CREG2: variants seen among roughly 807,000 people sequenced by gnomAD.
CREG2 encodes the protein protein CREG2.
CREG2 carries 24 observed loss-of-function variants against 26.2 expected under a neutral mutation model. The ratio of observed to expected loss-of-function variants is 0.92; its 90% CI spans 0.66 to 1.29. The LOEUF is 1.29. CREG2 is among the 50% of genes most tolerant of loss of function. The pLI is 0.00. For synonymous variants in CREG2, 174 were observed against 169.2 expected (o/e 1.03, Z -0.22); for missense variants, 366 against 398.6 (o/e 0.92, Z 0.70).
rs910032854 is a variant in CREG2 at position 101,350,529 on chromosome 2, G to C, written c.*394C>G. 1.2e-5 allele frequency: 2 copies of C among 160,062 alleles called. No individual in the cohort carries two copies. Among genetic ancestry groups the C allele is most frequent in the East Asian group, 3.6e-4 (2 of 5,510 alleles). 9.9% of individuals were successfully genotyped at this position (160,062 alleles called of 1,614,324 possible). ...CTTAGAACCAAGACTGCATTTGGCAGAGCAAGCAACAAAGATACTCTCACA... is the reference window on the plus strand; with the variant it reads ...CTTAGAACCAAGACTGCATTTGGCACAGCAAGCAACAAAGATACTCTCACA... On this transcript the variant is annotated 3_prime_UTR_variant, in exon 4 of 4. Transcript: ENST00000324768.
rs1684304270 is a variant in CREG2 at position 101,346,184 on chromosome 2, AT to A, written c.*4738del. 6.6e-6 allele frequency: 1 copy of A among 152,132 alleles called. No homozygotes were observed. Among genetic ancestry groups the A allele is most frequent in the Non-Finnish European group, 1.5e-5 (1 of 68,018 alleles). 9.4% of individuals were successfully genotyped at this position (152,132 alleles called of 1,614,324 possible). A position where few individuals can be genotyped will look rare whatever the true frequency, so the allele number is the denominator to read the frequency against. On this transcript the variant is annotated 3_prime_UTR_variant, in exon 4 of 4. Coordinates refer to ENST00000324768, the MANE Select transcript of CREG2 (RefSeq NM_153836.4). ...AAAGCGACTCTCTTATAAACAGCTA[AT>A]ATATACAAGGCATATTGAAATAAGT...
At chr2:101,382,846 C>T (rs1684899269) in intron 2 of CREG2, 1 of 985,506 alleles carries the variant, frequency 1.0e-6, no homozygotes. Context: ...CCAGGCCATC[C>T]TGGGCATTTG....
intron 2 of CREG2, among the ~76,000 whole-genome samples, chr2:101,355,879 T>A (rs1684450568): frequency 6.6e-6 from 1 of 152,104 alleles, no homozygotes; most frequent in South Asian, 2.1e-4. Context: ...AATGCTCTTT[T>A]AGTGGTTGCC....
chr2:101,363,962 G>T (rs961330986), intron 2 of CREG2, among the ~76,000 whole-genome samples: 1 of 152,062 alleles, frequency 6.6e-6, no homozygotes, highest in Admixed American at 6.6e-5. Context: ...ATTGTACAAT[G>T]GTTCTCAACT....
chr2:101,386,610 G>A (rs1372136171), intron 1 of CREG2, among the ~76,000 whole-genome samples: 1 of 152,110 alleles, frequency 6.6e-6, no homozygotes, highest in Non-Finnish European at 1.5e-5. Flanking sequence ...AGAAGGTGAT[G>A]GGGAGTTCAG....
intron 2 of CREG2, among the ~76,000 whole-genome samples, chr2:101,362,941 C>T (rs1684564839): frequency 6.6e-6 from 1 of 152,144 alleles, no homozygotes; most frequent in African/African-American, 2.4e-5. Context: ...CAGGAGCTGT[C>T]CTGGACTGTG....
chr2:101,364,843 G>A (rs185467156), intron 2 of CREG2, among the ~76,000 whole-genome samples: 10 of 152,146 alleles, frequency 6.6e-5, no homozygotes, highest in Non-Finnish European at 1.2e-4. Context: ...CAGGGCAATC[G>A]TAAAGATAGA....
Position 101,362,092 on chromosome 2 carries a change from C to T in CREG2, c.612-6726G>A, listed in dbSNP as rs542129076. Among the ~76,000 whole-genome samples, 10 of 152,192 alleles carry T rather than the reference C, an allele frequency of 6.6e-5. No individual in the cohort carries two copies. In the South Asian group the frequency reaches 8.3e-4, roughly 13 times the overall value. Reference sequence around the variant, plus strand: ...TGGCTATAGTGATGGATTCAGGGACCGGCACAACAGCAAATTTGGTCACGA... The same window carrying T: ...TGGCTATAGTGATGGATTCAGGGACTGGCACAACAGCAAATTTGGTCACGA... On this transcript the variant is annotated intron_variant, in intron 2 of 3. Transcript: ENST00000324768.
intron 2 of CREG2, among the ~76,000 whole-genome samples, chr2:101,379,969 TTCTATCTA>T (rs34370954): frequency 0.01 from 1,532 of 147,858 alleles, 18 homozygotes; most frequent in African/African-American, 0.028. Flanking sequence ...GTGTGAAAGC[TTCTATCTA>T]TCTATCTATC....
chr2:101,372,811 T>C (rs1462193399), intron 2 of CREG2, among the ~76,000 whole-genome samples: 1 of 152,088 alleles, frequency 6.6e-6, no homozygotes, highest in African/African-American at 2.4e-5. Context: ...GATTACCAAA[T>C]TTAAAAATGG....
In CREG2 at chr2:101,351,088, G is replaced by T; in HGVS notation, c.726-18C>A. 1 of 1,612,642 alleles carries T rather than the reference G, an allele frequency of 6.2e-7. No homozygotes were observed. The highest frequency in any genetic ancestry group is 8.5e-7 in the Non-Finnish European group (1 of 1,179,342). On this transcript the variant is annotated intron_variant, in intron 3 of 3. Coordinates refer to ENST00000324768, the MANE Select transcript of CREG2 (RefSeq NM_153836.4). ...CTGGGTGCCTGCAGGAATAAAGAGA[G>T]ACCACAGTAAAGCTGCTCTTATCAG...
chr2:101,360,599 G>A (rs537463336), intron 2 of CREG2, among the ~76,000 whole-genome samples: 12 of 152,090 alleles, frequency 7.9e-5, no homozygotes, highest in Non-Finnish European at 1.5e-4. Context: ...TTAGCCGGGT[G>A]TGGTGGTGGG....
intron 2 of CREG2, among the ~76,000 whole-genome samples, chr2:101,355,621 C>A (rs550583232): frequency 6.6e-6 from 1 of 150,754 alleles, no homozygotes; most frequent in African/African-American, 2.4e-5. Flanking sequence ...CTGAAGCGCC[C>A]TAGGCAAAAG....
Position 101,347,569 on chromosome 2 carries a change from A to G in CREG2, c.*3354T>C, listed in dbSNP as rs1186516633. 6.6e-6 allele frequency: 1 copy of G among 152,162 alleles called. No individual in the cohort carries two copies. Among genetic ancestry groups the G allele is most frequent in the Non-Finnish European group, 1.5e-5 (1 of 68,034 alleles). 9.4% of individuals were successfully genotyped at this position (152,162 alleles called of 1,614,324 possible). On this transcript the variant is annotated 3_prime_UTR_variant, in exon 4 of 4. Coordinates refer to ENST00000324768, the MANE Select transcript of CREG2 (RefSeq NM_153836.4). ...TTAGTTTGCAGTTCCCCTAGTGACTAGTGCTGTTGACTGTCTTTTCATGTC... is the reference window on the plus strand; with the variant it reads ...TTAGTTTGCAGTTCCCCTAGTGACTGGTGCTGTTGACTGTCTTTTCATGTC...
rs1201040310 is a variant in CREG2 at position 101,346,850 on chromosome 2, A to G, written c.*4073T>C. 1.3e-5 allele frequency: 2 copies of G among 152,176 alleles called. No homozygotes were observed. Among genetic ancestry groups the G allele is most frequent in the African/African-American group, 4.8e-5 (2 of 41,442 alleles). 9.4% of individuals were successfully genotyped at this position (152,176 alleles called of 1,614,324 possible). A position where few individuals can be genotyped will look rare whatever the true frequency, so the allele number is the denominator to read the frequency against. On this transcript the variant is annotated 3_prime_UTR_variant, in exon 4 of 4. Transcript: ENST00000324768. ...GTGTTCTTTTTACCCAGTTTTCCCCAATGGCACATCTTGCTAAACTACAGT... is the reference window on the plus strand; with the variant it reads ...GTGTTCTTTTTACCCAGTTTTCCCCGATGGCACATCTTGCTAAACTACAGT...
chr2:101,379,583 A>C (rs1573316394), intron 2 of CREG2, among the ~76,000 whole-genome samples: 4 of 152,326 alleles, frequency 2.6e-5, no homozygotes, highest in African/African-American at 9.6e-5. Flanking sequence ...TGACTTGTCA[A>C]CCTACATGCA....
chr2:101,382,354 G>A (rs1212110899), intron 2 of CREG2: 1 of 333,440 alleles, frequency 3.0e-6, no homozygotes, highest in Non-Finnish European at 4.3e-6. Flanking sequence ...GGGAGGCAGA[G>A]GTTCACGGTT....
At chr2:101,381,327 C>A (rs1684870129) in intron 2 of CREG2, among the ~76,000 whole-genome samples, 1 of 152,188 alleles carries the variant, frequency 6.6e-6, no homozygotes, top group South Asian at 2.1e-4. Context: ...TTATTCGGGG[C>A]TCTTTTTCAA....
chr2:101,354,753 C>T (rs1393287715), intron 3 of CREG2, among the ~76,000 whole-genome samples: 1 of 152,108 alleles, frequency 6.6e-6, no homozygotes, highest in African/African-American at 2.4e-5. Flanking sequence ...TATCAATTTC[C>T]TGGAGCATGC....
Sources: gnomAD v4.1 joint callset for allele counts (sites outside exome capture counted in the v4.1 genomes callset) on GRCh38, gnomAD v4.1.1 for gene constraint, MANE v1.5 for transcripts, NCBI Gene and HGNC (gene_info 2026-07-23, HGNC 2026-07-21) for gene names.